CCNJL: variants seen among roughly 807,000 people sequenced by gnomAD.
CCNJL encodes the protein cyclin J like.
CCNJL carries 33 observed loss-of-function variants against 33.4 expected under a neutral mutation model. The ratio of observed to expected loss-of-function variants is 0.99; its 90% CI spans 0.75 to 1.32. CCNJL has a LOEUF of 1.32. Among genes scored for constraint, CCNJL ranks in the 40% most tolerant of loss-of-function variants. The pLI, the probability that CCNJL is intolerant of heterozygous loss-of-function variation, is 0.00. For synonymous variants in CCNJL, 227 were observed against 220.9 expected, an observed-to-expected ratio of 1.03 and a Z score of -0.24; for missense variants, 512 against 499.7, an observed-to-expected ratio of 1.02 and a Z score of -0.23.
At chr5:160,324,903 T>C (rs558813602) in intron 1 of CCNJL, among the ~76,000 whole-genome samples, 1 of 136,840 alleles carries the variant, frequency 7.3e-6, no homozygotes, top group Admixed American at 7.1e-5. Context: ...GTTGGGCTTT[T>C]ATGATCTACA....
intron 2 of CCNJL, among the ~76,000 whole-genome samples, chr5:160,288,561 T>C (rs186785700): frequency 7.4e-4 from 112 of 152,224 alleles, no homozygotes; most frequent in Admixed American, 2.3e-3. Context: ...AATTATATGT[T>C]CACTGATGAA....
chr5:160,278,305 G>A (rs1377296390), intron 3 of CCNJL, among the ~76,000 whole-genome samples: 1 of 152,102 alleles, frequency 6.6e-6, no homozygotes, highest in Non-Finnish European at 1.5e-5. Context: ...CAGCCTTCCT[G>A]TCTATCTGGA....
intron 2 of CCNJL, among the ~76,000 whole-genome samples, chr5:160,303,292 G>A (rs1190541065): frequency 2.6e-5 from 4 of 152,126 alleles, no homozygotes; most frequent in Middle Eastern, 3.4e-3. Flanking sequence ...TGCAACCTCC[G>A]TCTCCCGGGT....
At chr5:160,274,802 G>C (rs931892826) in intron 3 of CCNJL, 1 of 152,500 alleles carries the variant, frequency 6.6e-6, no homozygotes, top group East Asian at 1.9e-4. Context: ...GGGCTCAGAG[G>C]ACAGAGGAAA....
chr5:160,331,448 T>A (rs1279715388), intron 1 of CCNJL, among the ~76,000 whole-genome samples: 2 of 151,982 alleles, frequency 1.3e-5, no homozygotes, highest in African/African-American at 4.8e-5. Context: ...ATGGTCTTCA[T>A]CTCCTGACCT....
At chr5:160,283,646 T>C (rs1762314592) in intron 2 of CCNJL, among the ~76,000 whole-genome samples, 2 of 152,192 alleles carry the variant, frequency 1.3e-5, no homozygotes, top group African/African-American at 4.8e-5. Flanking sequence ...ACACTCTTAG[T>C]TATTTTGAAA....
At chr5:160,323,581 T>C (rs929340343) in intron 1 of CCNJL, among the ~76,000 whole-genome samples, 1 of 152,240 alleles carries the variant, frequency 6.6e-6, no homozygotes, top group Admixed American at 6.5e-5. Context: ...TTCTTTATGC[T>C]TCTCCAATAT....
At chr5:160,294,135 G>T (rs1012756546) in intron 2 of CCNJL, among the ~76,000 whole-genome samples, 7 of 152,214 alleles carry the variant, frequency 4.6e-5, no homozygotes, top group African/African-American at 1.7e-4. Flanking sequence ...GAAAGGGGGA[G>T]AAAGGCTGGC....
chr5:160,303,362 T>C (rs550778738), intron 2 of CCNJL, among the ~76,000 whole-genome samples: 6 of 152,144 alleles, frequency 3.9e-5, no homozygotes, highest in Admixed American at 2.6e-4. Flanking sequence ...CTCATCACCA[T>C]ACCCAGCTAA....
rs200091163 is a variant in CCNJL, at chr5:160,265,858, GAAAAAAAA to G, written c.281-6095_281-6088del. Reference sequence around the variant, plus strand: ...ACAGAGCGAGACTCCGTCTCCAGGGGAAAAAAAAAAAAAAAAAAGAAAAAAGAAATGCA... The same window carrying G: ...ACAGAGCGAGACTCCGTCTCCAGGGGAAAAAAAAAAGAAAAAAGAAATGCA... On this transcript the variant is annotated intron_variant, in intron 3 of 5. Transcript: ENST00000257536. 7.9e-3 allele frequency among the ~76,000 whole-genome samples: 770 copies of G among 97,180 alleles called. 5 individuals carry two copies. Among genetic ancestry groups the G allele is most frequent in the African/African-American group, 0.022 (652 of 29,412 alleles). 63.8% of individuals were successfully genotyped at this position (97,180 alleles called of 152,430 possible). A position where few individuals can be genotyped will look rare whatever the true frequency, so the allele number is the denominator to read the frequency against.
chr5:160,320,251 C>T (rs764128828), intron 1 of CCNJL, among the ~76,000 whole-genome samples: 2 of 152,176 alleles, frequency 1.3e-5, no homozygotes, highest in African/African-American at 2.4e-5. Context: ...CTTCCGATGA[C>T]ATTGCTCTTT....
chr5:160,322,850 A>G (rs6865025), intron 1 of CCNJL, among the ~76,000 whole-genome samples: 94,380 of 151,616 alleles, frequency 0.62, 29,540 homozygotes, highest in Middle Eastern at 0.69. Flanking sequence ...CAGAGGGAGG[A>G]CGCAGTGAGC....
At chr5:160,270,366 C>G (rs1037344840) in intron 3 of CCNJL, among the ~76,000 whole-genome samples, 2 of 152,092 alleles carry the variant, frequency 1.3e-5, no homozygotes, top group African/African-American at 4.8e-5. Context: ...ATCATTTGAA[C>G]CTGGGAGGCG....
At chr5:160,266,385 A>T (rs896265616) in intron 3 of CCNJL, among the ~76,000 whole-genome samples, 4 of 152,270 alleles carry the variant, frequency 2.6e-5, no homozygotes, top group African/African-American at 7.2e-5. Flanking sequence ...GGAGAAAAGT[A>T]GCCCCAGAAA....
intron 2 of CCNJL, among the ~76,000 whole-genome samples, chr5:160,281,793 G>A (rs1341606052): frequency 6.6e-6 from 1 of 152,106 alleles, no homozygotes; most frequent in African/African-American, 2.4e-5. Flanking sequence ...TAGGACTACA[G>A]GCATTCATCA....
chr5:160,282,966 AATATATATATATATATATAT>A lies in CCNJL; in HGVS notation c.67-2248_67-2229del, dbSNP rs70990720. Among the ~76,000 whole-genome samples, 239 of 43,388 alleles carry A rather than the reference AATATATATATATATATATAT, an allele frequency of 5.5e-3. 10 individuals are homozygous for A. In the East Asian group the frequency reaches 0.084, roughly 15 times the overall value. 28.5% of individuals were successfully genotyped at this position (43,388 alleles called of 152,430 possible). ...GTGACCCAGCCATTCCAGTCCTTGG[AATATATATATATATATATAT>A]ATATATATATATATATATATATACA... is the stretch of plus-strand genomic sequence containing the variant. On this transcript the variant is annotated intron_variant, in intron 2 of 5. Transcript: ENST00000257536.
At chr5:160,304,478 G>T (rs1473326165) in intron 2 of CCNJL, among the ~76,000 whole-genome samples, 1 of 152,152 alleles carries the variant, frequency 6.6e-6, no homozygotes, top group Non-Finnish European at 1.5e-5. Flanking sequence ...TTCATCTCCA[G>T]GGGGTCATGA....
At chr5:160,283,008 T>TATATATATATATATAC (rs1554120707) in intron 2 of CCNJL, among the ~76,000 whole-genome samples, 5 of 52,674 alleles carry the variant, frequency 9.5e-5, no homozygotes, top group African/African-American at 1.7e-4. Flanking sequence ...TATATATATA[T>TATATATATATATATAC]ACATATATAT....
intron 2 of CCNJL, among the ~76,000 whole-genome samples, chr5:160,299,157 A>ATT (rs67238746): frequency 6.7e-6 from 1 of 149,728 alleles, no homozygotes; most frequent in Non-Finnish European, 1.5e-5. Flanking sequence ...TTAAAAAAAA[A>ATT]TTTTTTTTTT....
Sources: gnomAD v4.1 joint callset for allele counts (sites outside exome capture counted in the v4.1 genomes callset) on GRCh38, gnomAD v4.1.1 for gene constraint, MANE v1.5 for transcripts, NCBI Gene and HGNC (gene_info 2026-07-23, HGNC 2026-07-21) for gene names.